ACOXL: variants seen among roughly 807,000 people sequenced by gnomAD.
ACOXL encodes the protein acyl-CoA oxidase like.
In ACOXL, 70 loss-of-function variants were observed where a neutral mutation model predicts 71.9. The ratio of observed to expected loss-of-function variants is 0.97; its 90% CI spans 0.80 to 1.19. The LOEUF (loss-of-function observed/expected upper bound fraction) is 1.19. Ranked by LOEUF, ACOXL falls within the 50% of genes most tolerant of loss-of-function variation. ACOXL has a pLI of 0.00. For missense variants in ACOXL, 703 were observed against 736.3 expected (o/e 0.95, Z 0.52); for synonymous variants, 253 against 281.6 (o/e 0.90, Z 1.02).
intron 10 of ACOXL, among the ~76,000 whole-genome samples, chr2:110,901,396 C>T (rs1163996225): frequency 6.6e-6 from 1 of 152,060 alleles, no homozygotes; most frequent in East Asian, 1.9e-4. Context: ...TGAAATATTC[C>T]CGTGTTTAAA....
At chr2:110,863,088 C>T (rs912126138) in intron 10 of ACOXL, among the ~76,000 whole-genome samples, 19 of 152,174 alleles carry the variant, frequency 1.2e-4, no homozygotes, top group African/African-American at 4.6e-4. Context: ...ATAAAAAGGA[C>T]CTTTAGAATC....
intron 10 of ACOXL, among the ~76,000 whole-genome samples, chr2:110,870,047 A>G (rs548553053): frequency 1.3e-5 from 2 of 152,312 alleles, no homozygotes; most frequent in South Asian, 4.2e-4. Context: ...ATTTAAACCC[A>G]TGGGGGAGTG....
At chr2:111,061,970 A>C (rs2066839901) in intron 16 of ACOXL, among the ~76,000 whole-genome samples, 1 of 151,966 alleles carries the variant, frequency 6.6e-6, no homozygotes, top group Non-Finnish European at 1.5e-5. Flanking sequence ...AAGAAATAAA[A>C]AGACAGTCTG....
chr2:111,010,648 T>C (rs1040117629), intron 14 of ACOXL, among the ~76,000 whole-genome samples: 2 of 152,138 alleles, frequency 1.3e-5, no homozygotes, highest in African/African-American at 4.8e-5. Flanking sequence ...CCCATCATAG[T>C]ATAATTGCTG....
chr2:110,913,466 C>T (rs541655966), intron 11 of ACOXL, among the ~76,000 whole-genome samples: 4 of 152,146 alleles, frequency 2.6e-5, no homozygotes, highest in African/African-American at 9.6e-5. Context: ...CATGGATAAA[C>T]CTTGAAAACA....
At chr2:110,977,668 T>C (rs1558816112) in intron 12 of ACOXL, among the ~76,000 whole-genome samples, 1 of 152,328 alleles carries the variant, frequency 6.6e-6, no homozygotes, top group South Asian at 2.1e-4. Context: ...AATATTTACA[T>C]TGTTCCTCAT....
At chr2:110,909,525 G>A (rs2059578483) in intron 11 of ACOXL, among the ~76,000 whole-genome samples, 1 of 152,098 alleles carries the variant, frequency 6.6e-6, no homozygotes, top group Non-Finnish European at 1.5e-5. Context: ...ACAGAGCCTA[G>A]AAGTAGTGGA....
At chr2:110,980,541 A>G (rs1004881373) in intron 12 of ACOXL, among the ~76,000 whole-genome samples, 2 of 152,198 alleles carry the variant, frequency 1.3e-5, no homozygotes, top group African/African-American at 4.8e-5. Flanking sequence ...GGAGCACACA[A>G]CCACAACCAC....
chr2:110,875,120 C>T (rs954060209), intron 10 of ACOXL, among the ~76,000 whole-genome samples: 2 of 152,180 alleles, frequency 1.3e-5, no homozygotes, highest in African/African-American at 4.8e-5. Flanking sequence ...AGGCCAATGA[C>T]GCAGCACAGT....
At chr2:110,880,042 A>T (rs1696422711) in intron 10 of ACOXL, among the ~76,000 whole-genome samples, 1 of 151,068 alleles carries the variant, frequency 6.6e-6, no homozygotes, top group East Asian at 2.0e-4. Flanking sequence ...GCTACTCAGG[A>T]GGCTGAGGCA....
intron 15 of ACOXL, among the ~76,000 whole-genome samples, chr2:111,044,299 G>C (rs543145687): frequency 6.6e-6 from 1 of 152,224 alleles, no homozygotes; most frequent in Non-Finnish European, 1.5e-5. Context: ...GAGTGGACAC[G>C]GCAGTGGTGT....
intron 1 of ACOXL, among the ~76,000 whole-genome samples, chr2:110,746,322 C>T (rs1678196368): frequency 6.6e-6 from 1 of 152,046 alleles, no homozygotes; most frequent in African/African-American, 2.4e-5. Flanking sequence ...CCCCCAGATC[C>T]CTGGCTGTTC....
rs575822724 is a variant in ACOXL at position 110,743,058 on chromosome 2, C to T, written c.-23+10284C>T. Among the ~76,000 whole-genome samples, 4 of 152,330 alleles carry T rather than the reference C, an allele frequency of 2.6e-5. No individual in the cohort carries two copies. The South Asian group carries it at 6.2e-4, about 24-fold the overall frequency. On this transcript the variant is annotated intron_variant, in intron 1 of 17. Coordinates refer to ENST00000439055, the MANE Select transcript of ACOXL (RefSeq NM_001142807.4). ...ACACTGTACCTATTAAAGAATCACT[C>T]CCTTTCACCCTTCACTTATTTCCCT...
intron 14 of ACOXL, among the ~76,000 whole-genome samples, chr2:110,998,809 T>A (rs2063501942): frequency 6.6e-6 from 1 of 152,226 alleles, no homozygotes; most frequent in South Asian, 2.1e-4. Context: ...TAAAATGGGC[T>A]ATAATATGAA....
chr2:110,976,788 GGAAAAGGCATGTTTCTTCTTGAAACAA>G (rs1342084038), intron 12 of ACOXL, among the ~76,000 whole-genome samples: 1 of 152,116 alleles, frequency 6.6e-6, no homozygotes, highest in Non-Finnish European at 1.5e-5. Flanking sequence ...GTGATATGAT[GGAAAAGGCATGTTTCTTCTTGAAACAA>G]GAGAAAGAAT....
intron 12 of ACOXL, among the ~76,000 whole-genome samples, chr2:110,960,319 T>G (rs955543992): frequency 6.6e-6 from 1 of 152,210 alleles, no homozygotes; most frequent in African/African-American, 2.4e-5. Context: ...ACACATTGTA[T>G]GTAGTGCATA....
At chr2:111,013,937 G>A (rs1375996826) in intron 14 of ACOXL, among the ~76,000 whole-genome samples, 1 of 152,196 alleles carries the variant, frequency 6.6e-6, no homozygotes, top group African/African-American at 2.4e-5. Flanking sequence ...TGGTTTAATA[G>A]TCAAAACATG....
At chr2:110,799,851 A>G (rs1452355422) in intron 7 of ACOXL, among the ~76,000 whole-genome samples, 1 of 152,164 alleles carries the variant, frequency 6.6e-6, no homozygotes, top group Non-Finnish European at 1.5e-5. Flanking sequence ...TAGCAAGAAG[A>G]TTGTGAAATG....
chr2:110,798,215 G>A lies in ACOXL; in HGVS notation c.346-395G>A, dbSNP rs1343243155. ...TTCTGCTGTGAAATCCCCTGGAAAC[G>A]GAACCCTGCACTGTGTGGTTCTGTT... On this transcript the variant is annotated intron_variant, in intron 5 of 17. Transcript: ENST00000439055. Among the ~76,000 whole-genome samples, 6 of 152,032 alleles carry A rather than the reference G, an allele frequency of 3.9e-5. No homozygotes were observed. In the East Asian group the frequency reaches 9.7e-4, roughly 25 times the overall value.
Sources: allele counts gnomAD v4.1 joint callset (sites outside exome capture counted in the v4.1 genomes callset), GRCh38; gene constraint gnomAD v4.1.1; transcripts MANE v1.5; gene names NCBI Gene and HGNC (gene_info 2026-07-23, HGNC 2026-07-21).